The following SOCS5 variants were observed in gnomAD, a reference collection of about 807,000 sequenced individuals.
SOCS5 encodes the protein suppressor of cytokine signaling 5.
Under a neutral mutation model 42.8 loss-of-function variants are expected in SOCS5, and 32 were observed. The ratio of observed to expected loss-of-function variants is 0.75; its 90% CI spans 0.56 to 1.01. The LOEUF is 1.01. Among genes scored for constraint, SOCS5 ranks in the 50% least tolerant of loss-of-function variants. The probability of loss-of-function intolerance (pLI) is 0.00; values close to 1 mark genes in which losing one functional copy is unlikely to be tolerated. For synonymous variants in SOCS5, 283 were observed against 229.6 expected (o/e 1.23, Z -2.10); for missense variants, 627 against 653.0 (o/e 0.96, Z 0.43).
At chr2:46,733,771 C>T (rs1233442664) in intron 1 of SOCS5, among the ~76,000 whole-genome samples, 2 of 152,114 alleles carry the variant, frequency 1.3e-5, no homozygotes, top group African/African-American at 4.8e-5. Flanking sequence ...TCCCACAGTG[C>T]TCCTTAGCAA....
At chr2:46,748,209 A>AT (rs1673548513) in intron 1 of SOCS5, among the ~76,000 whole-genome samples, 1 of 137,896 alleles carries the variant, frequency 7.3e-6, no homozygotes, top group Non-Finnish European at 1.5e-5. Context: ...TTTTTTTGAC[A>AT]CAGTCTCACT....
chr2:46,744,716 C>T (rs561974381), intron 1 of SOCS5, among the ~76,000 whole-genome samples: 1 of 151,676 alleles, frequency 6.6e-6, no homozygotes, highest in South Asian at 2.1e-4. Flanking sequence ...TTAGTAGAAA[C>T]GGGGTTTTAC....
chr2:46,749,630 G>A (rs751892667), intron 1 of SOCS5, among the ~76,000 whole-genome samples: 19 of 152,148 alleles, frequency 1.2e-4, no homozygotes, highest in Non-Finnish European at 1.8e-4. Context: ...AATTTAAATT[G>A]TGGTAGTGTT....
chr2:46,755,846 C>T, intron 1 of SOCS5, among the ~76,000 whole-genome samples: 1 of 152,160 alleles, frequency 6.6e-6, no homozygotes, highest in East Asian at 1.9e-4. Flanking sequence ...GAAATGCCTT[C>T]CTGATTGTTA....
chr2:46,744,318 A>G (rs1446001199), intron 1 of SOCS5, among the ~76,000 whole-genome samples: 1 of 152,238 alleles, frequency 6.6e-6, no homozygotes, highest in African/African-American at 2.4e-5. Flanking sequence ...AGAACGTGGA[A>G]TAATATAAGA....
intron 1 of SOCS5, among the ~76,000 whole-genome samples, chr2:46,743,076 T>C (rs1673413835): frequency 6.6e-6 from 1 of 152,144 alleles, no homozygotes; most frequent in Admixed American, 6.5e-5. Context: ...CAAAGTATAG[T>C]TTTTTAGTTT....
intron 1 of SOCS5, among the ~76,000 whole-genome samples, chr2:46,746,726 A>G (rs1673506361): frequency 1.3e-5 from 2 of 150,890 alleles, no homozygotes; most frequent in South Asian, 2.1e-4. Flanking sequence ...TTTGGTTTCT[A>G]CATGTTTGTT....
At chr2:46,737,502 C>T (rs1002789431) in intron 1 of SOCS5, among the ~76,000 whole-genome samples, 3 of 152,064 alleles carry the variant, frequency 2.0e-5, no homozygotes, top group African/African-American at 7.2e-5. Flanking sequence ...AGTTTGGTGA[C>T]AATAATTATT....
At chr2:46,711,775 T>C (rs1056133853) in intron 1 of SOCS5, among the ~76,000 whole-genome samples, 7 of 152,246 alleles carry the variant, frequency 4.6e-5, no homozygotes, top group African/African-American at 4.8e-5. Context: ...TAATTTTGTG[T>C]ATTGTGTATT....
At chr2:46,703,544 G>C (rs1199041899) in intron 1 of SOCS5, among the ~76,000 whole-genome samples, 1 of 152,136 alleles carries the variant, frequency 6.6e-6, no homozygotes, top group Non-Finnish European at 1.5e-5. Flanking sequence ...CTAATCATGT[G>C]AATAAATTAG....
At chr2:46,726,819 C>T (rs1416359956) in intron 1 of SOCS5, among the ~76,000 whole-genome samples, 3 of 151,228 alleles carry the variant, frequency 2.0e-5, no homozygotes, top group South Asian at 2.1e-4. Flanking sequence ...TGCAATGGCG[C>T]GATCTTGGCT....
At chr2:46,705,619 A>G (rs1178154948) in intron 1 of SOCS5, among the ~76,000 whole-genome samples, 1 of 152,242 alleles carries the variant, frequency 6.6e-6, no homozygotes, top group Non-Finnish European at 1.5e-5. Context: ...AAGCTCAAGC[A>G]CTTTCTTATG....
At chr2:46,755,455 A>G (rs1673712623) in intron 1 of SOCS5, among the ~76,000 whole-genome samples, 1 of 152,188 alleles carries the variant, frequency 6.6e-6, no homozygotes, top group African/African-American at 2.4e-5. Context: ...CCATAATTCT[A>G]ATTTGTAGCT....
chr2:46,725,644 T>C (rs997912946), intron 1 of SOCS5, among the ~76,000 whole-genome samples: 6 of 152,204 alleles, frequency 3.9e-5, no homozygotes, highest in African/African-American at 1.2e-4. Flanking sequence ...GTTTCTGCTT[T>C]GAACCCAATG....
At chr2:46,707,805 C>T (rs962109987) in intron 1 of SOCS5, among the ~76,000 whole-genome samples, 2 of 152,186 alleles carry the variant, frequency 1.3e-5, no homozygotes, top group Non-Finnish European at 2.9e-5. Flanking sequence ...CTGATAAACC[C>T]ATCCTAAGTT....
intron 1 of SOCS5, among the ~76,000 whole-genome samples, chr2:46,724,801 C>T (rs563161586): frequency 1.3e-5 from 2 of 152,028 alleles, no homozygotes; most frequent in South Asian, 2.1e-4. Flanking sequence ...TCTTGGTGAA[C>T]ATTTTGCATG....
intron 1 of SOCS5, among the ~76,000 whole-genome samples, chr2:46,715,958 C>T (rs1322264325): frequency 6.6e-6 from 1 of 152,100 alleles, no homozygotes; most frequent in African/African-American, 2.4e-5. Flanking sequence ...TACTGAGGCC[C>T]TGTCCATTTT....
At chr2:46,709,921 A>C (rs1212820406) in intron 1 of SOCS5, among the ~76,000 whole-genome samples, 2 of 152,168 alleles carry the variant, frequency 1.3e-5, no homozygotes, top group African/African-American at 4.8e-5. Flanking sequence ...AGCAATTCTT[A>C]AACTTTCCTA....
chr2:46,743,506 G>C (rs1272044871), intron 1 of SOCS5, among the ~76,000 whole-genome samples: 1 of 152,106 alleles, frequency 6.6e-6, no homozygotes. Flanking sequence ...TCACTCTTGT[G>C]GCCTTCTTGG....
Sources: allele counts gnomAD v4.1 joint callset (sites outside exome capture counted in the v4.1 genomes callset), GRCh38; gene constraint gnomAD v4.1.1; transcripts MANE v1.5; gene names NCBI Gene and HGNC (gene_info 2026-07-23, HGNC 2026-07-21).